MPPED1: variants seen among roughly 807,000 people sequenced by gnomAD.
MPPED1 encodes the protein metallophosphoesterase domain containing 1.
A neutral mutation model predicts 36.2 loss-of-function variants in MPPED1; 16 were observed. The ratio of observed to expected loss-of-function variants is 0.44; its 90% CI spans 0.30 to 0.67. The LOEUF (loss-of-function observed/expected upper bound fraction) is 0.67. Among genes scored for constraint, MPPED1 ranks in the 30% least tolerant of loss-of-function variants. MPPED1 has a pLI of 0.10. For missense variants in MPPED1, 307 were observed against 453.4 expected, an observed-to-expected ratio of 0.68 and a Z score of 2.93; for synonymous variants, 199 against 191.3, an observed-to-expected ratio of 1.04 and a Z score of -0.33.
intron 3 of MPPED1, among the ~76,000 whole-genome samples, chr22:43,454,172 C>T (rs981740539): frequency 2.0e-5 from 3 of 152,064 alleles, no homozygotes; most frequent in African/African-American, 7.2e-5. Context: ...CCACGCCTGG[C>T]TAATTTTTGT....
At chr22:43,413,198 G>A (rs1295934951) in intron 1 of MPPED1, among the ~76,000 whole-genome samples, 2 of 152,194 alleles carry the variant, frequency 1.3e-5, no homozygotes, top group African/African-American at 2.4e-5. Context: ...AGGAGAGCTT[G>A]TTAAGTGGCA....
Position 43,422,499 on chromosome 22 carries a change from T to G in MPPED1, c.-78-2409T>G, listed in dbSNP as rs113304313. On this transcript the variant is annotated intron_variant, in intron 1 of 6. Coordinates refer to ENST00000443721, the MANE Select transcript of MPPED1 (RefSeq NM_001044370.2). Reference sequence around the variant, plus strand: ...ATGCAGGGTCTTATGGTCAAGGGATTTTATCAGAGAAGCCACCGCAAGGAT... The same window carrying G: ...ATGCAGGGTCTTATGGTCAAGGGATGTTATCAGAGAAGCCACCGCAAGGAT... 7.9e-5 allele frequency among the ~76,000 whole-genome samples: 12 copies of G among 152,196 alleles called. 2 individuals carry two copies. Among genetic ancestry groups the G allele is most frequent in the African/African-American group, 2.9e-4 (12 of 41,516 alleles).
At chr22:43,497,760 T>G (rs1932465841) in intron 4 of MPPED1, among the ~76,000 whole-genome samples, 1 of 149,848 alleles carries the variant, frequency 6.7e-6, no homozygotes, top group Non-Finnish European at 1.5e-5. Context: ...ACCTGGAATC[T>G]GCTCTCTTTT....
intron 3 of MPPED1, among the ~76,000 whole-genome samples, chr22:43,444,652 C>T (rs560839038): frequency 1.4e-4 from 21 of 151,964 alleles, no homozygotes; most frequent in African/African-American, 5.1e-4. Flanking sequence ...CATAGGCCAC[C>T]ATGCCTGGCC....
intron 2 of MPPED1, among the ~76,000 whole-genome samples, chr22:43,427,559 CTGAA>C (rs1357589833): frequency 2.6e-5 from 4 of 152,096 alleles, no homozygotes; most frequent in Non-Finnish European, 5.9e-5. Context: ...TGGTGAATGA[CTGAA>C]TGAGAGGGGG....
chr22:43,448,569 TTAAAATCTTTTTATTTATTTATTTATTTA>T (rs1930444740), intron 3 of MPPED1, among the ~76,000 whole-genome samples: 1 of 147,576 alleles, frequency 6.8e-6, no homozygotes, highest in Non-Finnish European at 1.5e-5. Flanking sequence ...CTAGGCTCTT[TTAAAATCTTTTTATTTATTTATTTATTTA>T]TTTATTTATT....
intron 4 of MPPED1, among the ~76,000 whole-genome samples, chr22:43,493,579 C>T (rs1348434473): frequency 6.6e-6 from 1 of 152,228 alleles, no homozygotes. Flanking sequence ...AAGTCCTGTG[C>T]CATCTCACTG....
At chr22:43,442,169 G>A (rs1261672705) in intron 3 of MPPED1, among the ~76,000 whole-genome samples, 1 of 151,850 alleles carries the variant, frequency 6.6e-6, no homozygotes, top group Non-Finnish European at 1.5e-5. Flanking sequence ...CTTCTACTTG[G>A]GGGTGCGGAA....
intron 4 of MPPED1, 76 bp from the exon 5 acceptor site, chr22:43,498,159 T>C: frequency 8.4e-7 from 1 of 1,191,734 alleles, no homozygotes; most frequent in African/African-American, 1.5e-5. Context: ...CCCTGGCCCG[T>C]GGGGAGCTCC....
Position 43,502,779 on chromosome 22 carries a change from G to A in MPPED1, c.862+22G>A. On this transcript the variant is annotated intron_variant, in intron 6 of 6. Coordinates refer to ENST00000443721, the MANE Select transcript of MPPED1 (RefSeq NM_001044370.2). This position sits in a 1 kb window ranked among gnomAD's most constrained non-coding sequence, Gnocchi z 5.5. Reference sequence around the variant, plus strand: ...GAAGGTCAGTACGTAGCGGAGACAGGCACCTCACGGGCTAGGGGCTCCTAA... The same window carrying A: ...GAAGGTCAGTACGTAGCGGAGACAGACACCTCACGGGCTAGGGGCTCCTAA... The A allele has an allele frequency of 6.2e-7, 1 of 1,602,990 alleles. No homozygotes were observed.
intron 4 of MPPED1, among the ~76,000 whole-genome samples, chr22:43,496,183 GGTGGTGGAGGTA>G (rs1310506627): frequency 8.4e-6 from 1 of 118,604 alleles, no homozygotes. Flanking sequence ...TGGTGGAGGT[GGTGGTGGAGGTA>G]GTGGTGGTGG....
rs761966125 is a variant in MPPED1, at chr22:43,505,577, G to A, written c.942G>A (p.Pro314=). Residue 314 remains proline (P), a synonymous_variant, in exon 7 of 7, where the codon CCG becomes CCA. Coordinates refer to ENST00000443721, the MANE Select transcript of MPPED1 (RefSeq NM_001044370.2). The part of the protein sequence containing the change: ...VCTVNYQPVN[P]PIVIDLPTPR... The stretch of plus-strand genomic sequence containing the variant: ...CTGTGAACTACCAGCCCGTGAACCC[G>A]CCCATAGTCATCGACCTCCCCACAC... The A allele has an allele frequency of 2.7e-5, 44 of 1,612,394 alleles. No homozygotes were observed. The highest frequency in any genetic ancestry group is 1.8e-4 in the Admixed American group (11 of 59,838).
chr22:43,502,846 GAAAT>G lies in MPPED1; in HGVS notation c.862+95_862+98del, dbSNP rs1324074082. On this transcript the variant is annotated intron_variant, in intron 6 of 6. Transcript: ENST00000443721. The surrounding 1 kb of genome is among the most constrained non-coding windows in gnomAD (Gnocchi z 5.5). The stretch of plus-strand genomic sequence containing the variant: ...ACCTCCCCTTCGTTCAGCCAGAAGG[GAAAT>G]AAATAGCCCATTCCTACTGTTCGCT... 6.4e-6 allele frequency: 7 copies of G among 1,089,208 alleles called. No individual in the cohort carries two copies. The highest frequency in any genetic ancestry group is 5.5e-5 in the Admixed American group (3 of 54,230). 67.5% of individuals were successfully genotyped at this position (1,089,208 alleles called of 1,614,324 possible). A position where few individuals can be genotyped will look rare whatever the true frequency, so the allele number is the denominator to read the frequency against.
chr22:43,415,017 G>A (rs1015392100), intron 1 of MPPED1, among the ~76,000 whole-genome samples: 1 of 152,024 alleles, frequency 6.6e-6, no homozygotes, highest in African/African-American at 2.4e-5. Context: ...ACACTTGGGG[G>A]TGGCAGGGAG....
chr22:43,442,795 C>G lies in MPPED1; in HGVS notation c.406+7580C>G, dbSNP rs113722868. The stretch of plus-strand genomic sequence containing the variant: ...CAATCAGATGAGACCGTGTGTGCAC[C>G]CTGTGTGAACTCAGCCCCTCCTGGC... On this transcript the variant is annotated intron_variant, in intron 3 of 6. Coordinates refer to ENST00000443721, the MANE Select transcript of MPPED1 (RefSeq NM_001044370.2). Among the ~76,000 whole-genome samples, 17 of 152,294 alleles carry G rather than the reference C, an allele frequency of 1.1e-4. 2 individuals are homozygous for G. Among genetic ancestry groups the G allele is most frequent in the African/African-American group, 4.1e-4 (17 of 41,558 alleles).
intron 3 of MPPED1, among the ~76,000 whole-genome samples, chr22:43,437,853 G>A (rs986884278): frequency 2.6e-5 from 4 of 152,182 alleles, no homozygotes; most frequent in African/African-American, 9.7e-5. Flanking sequence ...GGGGTGTTGG[G>A]AGGAAGACAT....
chr22:43,489,266 C>T (rs1012801871), intron 4 of MPPED1, among the ~76,000 whole-genome samples: 6 of 152,128 alleles, frequency 3.9e-5, no homozygotes, highest in Non-Finnish European at 7.4e-5. Flanking sequence ...CTGCCCAGGG[C>T]AGAGCCTGAT....
chr22:43,424,650 T>C (rs1929393642), intron 1 of MPPED1, among the ~76,000 whole-genome samples: 1 of 152,164 alleles, frequency 6.6e-6, no homozygotes. Context: ...GAGCCATGCA[T>C]GCATCCGTCC....
intron 5 of MPPED1, among the ~76,000 whole-genome samples, chr22:43,500,862 G>T (rs1479231386): frequency 6.6e-6 from 1 of 152,094 alleles, no homozygotes; most frequent in African/African-American, 2.4e-5. Flanking sequence ...CTGCATGGGG[G>T]ACTTGCACAA....
Sources: gnomAD v4.1 joint callset for allele counts (sites outside exome capture counted in the v4.1 genomes callset) on GRCh38, gnomAD v4.1.1 for gene constraint, Gnocchi (gnomAD v3.1) non-coding constraint, MANE v1.5 for transcripts, NCBI Gene and HGNC (gene_info 2026-07-23, HGNC 2026-07-21) for gene names.